The following HEPHL1 variants were observed in gnomAD, a reference collection of about 807,000 sequenced individuals.
The protein encoded by HEPHL1 is ferroxidase HEPHL1.
In HEPHL1, 123 loss-of-function variants were observed where a neutral mutation model predicts 122.0. The ratio of observed to expected loss-of-function variants is 1.01; its 90% CI spans 0.87 to 1.17. The LOEUF is 1.17. Ranked by LOEUF, HEPHL1 falls within the 50% of genes most tolerant of loss-of-function variation. The pLI, the probability that HEPHL1 is intolerant of heterozygous loss-of-function variation, is 0.00. For missense variants in HEPHL1, 1,452 were observed against 1,430.5 expected (o/e 1.01, Z -0.24); for synonymous variants, 527 against 508.9 (o/e 1.04, Z -0.48).
chr11:94,054,659 A>C (rs1035735614), intron 2 of HEPHL1, among the ~76,000 whole-genome samples: 1 of 152,156 alleles, frequency 6.6e-6, no homozygotes, highest in Non-Finnish European at 1.5e-5. Context: ...TGGAGGCTAC[A>C]TGTGTACTCA....
chr11:94,110,615 A>G (rs1017488574), intron 17 of HEPHL1, among the ~76,000 whole-genome samples: 2 of 152,200 alleles, frequency 1.3e-5, no homozygotes, highest in African/African-American at 2.4e-5. Context: ...ACCCTTATAC[A>G]ATGTAGGTAG....
At chr11:94,073,524 C>T (rs967406514) in intron 8 of HEPHL1, 85 bp downstream of exon 8, 1 of 1,345,048 alleles carries the variant, frequency 7.4e-7, no homozygotes, top group Non-Finnish European at 1.0e-6. Flanking sequence ...AAATCCTGGT[C>T]CTTTCCATTA....
At chr11:94,099,866 G>T (rs748835287) in intron 13 of HEPHL1, among the ~76,000 whole-genome samples, 3 of 152,174 alleles carry the variant, frequency 2.0e-5, no homozygotes, top group African/African-American at 7.2e-5. Flanking sequence ...TTGGAAAAGC[G>T]CAGTATTAGG....
chr11:94,075,428 G>A (rs199623725), intron 9 of HEPHL1, 43 bp downstream of exon 9: 14 of 1,390,260 alleles, frequency 1.0e-5, no homozygotes, highest in Middle Eastern at 2.4e-4. Flanking sequence ...GGTTGTATGT[G>A]GGAGAGATCC....
At chr11:94,068,525 C>T (rs939134665) in intron 5 of HEPHL1, among the ~76,000 whole-genome samples, 1 of 152,106 alleles carries the variant, frequency 6.6e-6, no homozygotes, top group African/African-American at 2.4e-5. Flanking sequence ...TACACTATGT[C>T]CTTTCTTAGC....
At chr11:94,029,174 A>C (rs878967946) in intron 1 of HEPHL1, among the ~76,000 whole-genome samples, 1 of 152,156 alleles carries the variant, frequency 6.6e-6, no homozygotes, top group African/African-American at 2.4e-5. Flanking sequence ...TTTTGTGTGA[A>C]GTATCTTCCT....
At chr11:94,078,590 A>G (rs937652515) in intron 9 of HEPHL1, among the ~76,000 whole-genome samples, 1 of 151,646 alleles carries the variant, frequency 6.6e-6, no homozygotes, top group African/African-American at 2.4e-5. Context: ...GACCCAGGAG[A>G]GCCAATGGGG....
At position 94,093,614 on chromosome 11, in the gene HEPHL1, CA is replaced by C; in HGVS notation, c.2409del (p.Arg804GlufsTer5). 6.2e-7 allele frequency: 1 copy of C among 1,613,622 alleles called. No homozygotes were observed. Among genetic ancestry groups the C allele is most frequent in the South Asian group, 1.1e-5 (1 of 91,026 alleles). ...GEFVEIKARP[P>X]REEHLELLGP... ...TTTGTGGAGATCAAAGCCCGACCAC[CA>C]CGAGAGGAGCACTTAGAACTCCTGG... On this transcript the variant is annotated frameshift_variant, in exon 13 of 20. Transcript: ENST00000315765. LOFTEE classifies it high-confidence loss of function.
rs1289346515 is a variant in HEPHL1 at position 94,022,944 on chromosome 11, C to A, written c.170+1406C>A. Among the ~76,000 whole-genome samples, 22 of 152,188 alleles carry A rather than the reference C, an allele frequency of 1.4e-4. 1 individual carries two copies. Among genetic ancestry groups the A allele is most frequent in the Admixed American group, 1.4e-3 (21 of 15,278 alleles). ...TATAGCGTTTAAGCTAAATGTGATA[C>A]TGGATTGCCTTTCCATAAGATTAAC... On this transcript the variant is annotated intron_variant, in intron 1 of 19. Transcript: ENST00000315765.
At chr11:94,101,741 C>A (rs1034580716) in intron 14 of HEPHL1, among the ~76,000 whole-genome samples, 2 of 152,192 alleles carry the variant, frequency 1.3e-5, no homozygotes, top group African/African-American at 2.4e-5. Context: ...CCTAAAAATT[C>A]TCCGTGCTCT....
chr11:94,085,945 T>A, intron 10 of HEPHL1, 32 bp from the exon 11 acceptor site: 1 of 1,545,480 alleles, frequency 6.5e-7, no homozygotes, highest in Non-Finnish European at 8.9e-7. Context: ...TACACACTGA[T>A]AATTTTTCAC....
chr11:94,070,830 A>G (rs1178194855), intron 6 of HEPHL1, among the ~76,000 whole-genome samples: 3 of 152,126 alleles, frequency 2.0e-5, no homozygotes, highest in African/African-American at 4.8e-5. Context: ...GCAAAGTGCC[A>G]TTAGAAATAC....
chr11:94,042,674 A>G (rs1165853982), intron 1 of HEPHL1, among the ~76,000 whole-genome samples: 1 of 140,558 alleles, frequency 7.1e-6, no homozygotes, highest in African/African-American at 2.7e-5. Context: ...GAATTGAACA[A>G]TGAGATCACA....
chr11:94,023,736 G>C (rs946344722), intron 1 of HEPHL1, among the ~76,000 whole-genome samples: 1 of 152,138 alleles, frequency 6.6e-6, no homozygotes, highest in Non-Finnish European at 1.5e-5. Flanking sequence ...GGTATGCGAA[G>C]GGACAGAGTT....
intron 9 of HEPHL1, among the ~76,000 whole-genome samples, chr11:94,082,190 C>A (rs1041073450): frequency 6.6e-6 from 1 of 152,178 alleles, no homozygotes; most frequent in African/African-American, 2.4e-5. Flanking sequence ...TAAGCAGGGG[C>A]TGATTTCCTT....
rs544490248 is a variant in HEPHL1, at chr11:94,037,839, C to T, written c.171-7834C>T. On this transcript the variant is annotated intron_variant, in intron 1 of 19. Coordinates refer to ENST00000315765, the MANE Select transcript of HEPHL1 (RefSeq NM_001098672.2). ...TCTCCTCCTCCAAAGGAACGCAGTT[C>T]CTCACCAGCAACGGAACAAAGCTGG... Among the ~76,000 whole-genome samples, 102 of 152,016 alleles carry T rather than the reference C, an allele frequency of 6.7e-4. 2 individuals are homozygous for T. Among genetic ancestry groups the T allele is most frequent in the African/African-American group, 2.3e-3 (97 of 41,294 alleles).
intron 12 of HEPHL1, among the ~76,000 whole-genome samples, chr11:94,090,721 C>G (rs190336839): frequency 6.6e-6 from 1 of 152,324 alleles, no homozygotes; most frequent in East Asian, 1.9e-4. Context: ...CCCAGTGACA[C>G]ATACCCCTTC....
chr11:94,029,418 T>G (rs753411780), intron 1 of HEPHL1, among the ~76,000 whole-genome samples: 8 of 152,084 alleles, frequency 5.3e-5, no homozygotes, highest in Non-Finnish European at 1.0e-4. Context: ...CCATCTAACT[T>G]GCAAAAGCAG....
Position 94,049,553 on chromosome 11 carries a change from CT to C in HEPHL1, c.415+3637del, listed in dbSNP as rs369775953. Among the ~76,000 whole-genome samples the C allele has an allele frequency of 2.6e-5, 4 of 151,242 alleles. No homozygotes were observed. In the East Asian group the frequency reaches 7.8e-4, roughly 30 times the overall value. On this transcript the variant is annotated intron_variant, in intron 2 of 19. Coordinates refer to ENST00000315765, the MANE Select transcript of HEPHL1 (RefSeq NM_001098672.2). ...GCACCCACCAGGTGCCAGACACTGA[CT>C]CCCAGGTGCCAGACATTGACTCTGG...
Sources: gnomAD v4.1 joint callset for allele counts (sites outside exome capture counted in the v4.1 genomes callset) on GRCh38, gnomAD v4.1.1 for gene constraint, MANE v1.5 for transcripts, NCBI Gene and HGNC (gene_info 2026-07-23, HGNC 2026-07-21) for gene names.